The following FAM167A variants were observed in gnomAD, a reference collection of about 807,000 sequenced individuals.
The protein encoded by FAM167A is family with sequence similarity 167 member A.
A neutral mutation model predicts 14.9 loss-of-function variants in FAM167A; 23 were observed. That is an observed-to-expected ratio of 1.55 (90% confidence interval 1.11 to 2.19). FAM167A has a LOEUF of 2.19. Among genes scored for constraint, FAM167A ranks in the 30% most tolerant of loss-of-function variants. FAM167A has a pLI of 0.00. For synonymous variants in FAM167A, 174 were observed against 117.7 expected, an observed-to-expected ratio of 1.48 and a Z score of -3.10; for missense variants, 401 against 281.5, an observed-to-expected ratio of 1.42 and a Z score of -3.04.
At chr8:11,457,694 A>C (rs1374050676) in intron 1 of FAM167A, among the ~76,000 whole-genome samples, 1 of 152,166 alleles carries the variant, frequency 6.6e-6, no homozygotes, top group Admixed American at 6.5e-5. Context: ...TGGGCAGTCC[A>C]TCTGGCCCTT....
intron 1 of FAM167A, among the ~76,000 whole-genome samples, chr8:11,447,813 C>T (rs5011845): frequency 0.075 from 11,391 of 152,304 alleles, 537 homozygotes; most frequent in South Asian, 0.12. Flanking sequence ...GCCTCTGTGT[C>T]CTCTTCTGAG....
At chr8:11,436,572 C>T (rs1204311889) in intron 2 of FAM167A, among the ~76,000 whole-genome samples, 2 of 152,224 alleles carry the variant, frequency 1.3e-5, no homozygotes, top group Non-Finnish European at 2.9e-5. Context: ...CAGGAGCTCC[C>T]CTGCACGGCC....
chr8:11,436,414 C>T (rs536489517), intron 2 of FAM167A, among the ~76,000 whole-genome samples: 2 of 152,328 alleles, frequency 1.3e-5, no homozygotes, highest in South Asian at 2.1e-4. Context: ...GGCCCAGGTA[C>T]GGCTGTTCTT....
At chr8:11,459,419 CA>C (rs1186245999) in intron 1 of FAM167A, among the ~76,000 whole-genome samples, 9 of 152,352 alleles carry the variant, frequency 5.9e-5, no homozygotes, top group African/African-American at 1.9e-4. Context: ...CTAGAAACCT[CA>C]GGGGCAAATA....
At chr8:11,441,876 T>C (rs931424035) in intron 2 of FAM167A, among the ~76,000 whole-genome samples, 1 of 152,180 alleles carries the variant, frequency 6.6e-6, no homozygotes, top group African/African-American at 2.4e-5. Flanking sequence ...ATTTACATTT[T>C]TGGGAATCAA....
chr8:11,473,895 CAG>C lies in FAM167A; in HGVS notation c.-398+1969_-398+1970del, dbSNP rs1193113238. 1.1e-4 allele frequency among the ~76,000 whole-genome samples: 17 copies of C among 151,712 alleles called. No homozygotes were observed. The South Asian group carries it at 2.9e-3, about 26-fold the overall frequency. On this transcript the variant is annotated intron_variant, in intron 1 of 1. Coordinates refer to the FAM167A transcript ENST00000648766. ...CTTTCTTTCTTCTTTTTTTTTGAGA[CAG>C]AGTCTCACTCTGTCACCCAGGCTGG...
chr8:11,438,442 C>A (rs1806194358), intron 2 of FAM167A: 1 of 456,820 alleles, frequency 2.2e-6, no homozygotes, highest in Non-Finnish European at 4.4e-6. Context: ...CTAGGAGATT[C>A]TATGCTACAG....
intron 2 of FAM167A, among the ~76,000 whole-genome samples, chr8:11,428,883 CCA>C (rs1262074428): frequency 6.6e-6 from 1 of 152,288 alleles, no homozygotes; most frequent in East Asian, 1.9e-4. Flanking sequence ...ACACGAGTTC[CCA>C]CAGACTCTGA....
At chr8:11,437,985 A>ATAAC in intron 2 of FAM167A, 1 of 334,388 alleles carries the variant, frequency 3.0e-6, no homozygotes, top group Non-Finnish European at 5.9e-6. Flanking sequence ...CATCTCTATT[A>ATAAC]TAACTTTTGT....
chr8:11,432,741 C>T (rs1312249932), intron 2 of FAM167A, among the ~76,000 whole-genome samples: 1 of 152,188 alleles, frequency 6.6e-6, no homozygotes, highest in Non-Finnish European at 1.5e-5. Context: ...ATAAATCATT[C>T]TATGATAAAG....
chr8:11,430,176 A>AGCACTT, intron 2 of FAM167A, among the ~76,000 whole-genome samples: 1 of 152,368 alleles, frequency 6.6e-6, no homozygotes, highest in East Asian at 1.9e-4. Flanking sequence ...TGAGAACAAA[A>AGCACTT]GCACTTGCTG....
upstream of FAM167A, among the ~76,000 whole-genome samples, chr8:11,469,881 AAAATAAATAAATAAAT>A (rs140444831): frequency 1.9e-4 from 23 of 122,602 alleles, no homozygotes; most frequent in East Asian, 1.0e-3. Flanking sequence ...CCCTGTCTCA[AAAATAAATAAATAAAT>A]AAATAAATAA....
chr8:11,444,840 G>C (rs1340982881), intron 1 of FAM167A, 32 bp from the exon 2 acceptor site: 3 of 993,448 alleles, frequency 3.0e-6, no homozygotes, highest in South Asian at 4.6e-5. Flanking sequence ...CATCAGTCCC[G>C]ATCCCTGCCC....
chr8:11,421,588 T>C lies in FAM167A; in HGVS notation c.*2785A>G, dbSNP rs1386248866. On this transcript the variant is annotated 3_prime_UTR_variant, in exon 3 of 3. Transcript: ENST00000284486. ...AAAAGTATAAATCGTCCATTGATTA[T>C]GTAATAGCACTTGGTATTGCTACAG... 5.0e-6 allele frequency: 2 copies of C among 397,948 alleles called. No individual in the cohort carries two copies. The highest frequency in any genetic ancestry group is 8.9e-6 in the Non-Finnish European group (2 of 225,964). The allele number at this position is 397,948 out of a possible 1,614,324, so 24.7% of individuals were successfully genotyped here.
At chr8:11,475,776 C>A (rs1797857324) in intron 1 of FAM167A, among the ~76,000 whole-genome samples, 1 of 152,138 alleles carries the variant, frequency 6.6e-6, no homozygotes, top group African/African-American at 2.4e-5. Context: ...AGCTCCTTTC[C>A]CCTGCTCTAT....
At chr8:11,467,591 T>C (rs1487243779), upstream of FAM167A, 2 of 152,386 alleles carry the variant, frequency 1.3e-5, no homozygotes, top group African/African-American at 4.8e-5. Context: ...TCTGCCATTC[T>C]CACGATAGCC....
At chr8:11,437,302 T>G (rs574756810) in intron 2 of FAM167A, among the ~76,000 whole-genome samples, 1 of 152,206 alleles carries the variant, frequency 6.6e-6, no homozygotes, top group African/African-American at 2.4e-5. Flanking sequence ...GAAAGATTGC[T>G]GTGGCTACTG....
intron 2 of FAM167A, among the ~76,000 whole-genome samples, chr8:11,434,655 T>A (rs1279139900): frequency 6.6e-6 from 1 of 152,080 alleles, no homozygotes; most frequent in Non-Finnish European, 1.5e-5. Context: ...CCTTCAGGGG[T>A]GAGGCTGGCC....
intron 1 of FAM167A, among the ~76,000 whole-genome samples, chr8:11,445,976 G>A (rs1036287538): frequency 2.0e-5 from 3 of 147,942 alleles, no homozygotes; most frequent in African/African-American, 5.1e-5. Context: ...AAAGAAAGAG[G>A]GATTGTTACT....
Sources: allele counts gnomAD v4.1 joint callset (sites outside exome capture counted in the v4.1 genomes callset), GRCh38; gene constraint gnomAD v4.1.1; transcripts MANE v1.5; gene names NCBI Gene and HGNC (gene_info 2026-07-23, HGNC 2026-07-21).